The following TM2D1 variants were observed in gnomAD, a reference collection of about 807,000 sequenced individuals.
TM2D1 encodes TM2 domain-containing protein 1.
TM2D1 carries 15 observed loss-of-function variants against 28.4 expected under a neutral mutation model. The ratio of observed to expected loss-of-function variants is 0.53; its 90% confidence interval spans 0.35 to 0.81. TM2D1 has a LOEUF of 0.81. Among genes scored for constraint, TM2D1 ranks in the 40% least tolerant of loss-of-function variants. The pLI is 0.01. For synonymous variants in TM2D1, 93 were observed against 96.2 expected (o/e 0.97, Z 0.20); for missense variants, 236 against 254.9 (o/e 0.93, Z 0.50).
chr1:61,703,518 T>G (rs1644418309), intron 3 of TM2D1, among the ~76,000 whole-genome samples: 1 of 146,632 alleles, frequency 6.8e-6, no homozygotes, highest in Non-Finnish European at 1.5e-5. Flanking sequence ...GTTCAAGCAA[T>G]TCTCCTGCTT....
chr1:61,705,441 C>T (rs926849195), intron 3 of TM2D1, among the ~76,000 whole-genome samples: 16 of 152,252 alleles, frequency 1.1e-4, no homozygotes, highest in Admixed American at 7.2e-4. Context: ...CCGCCTCAGC[C>T]TCCCAAAGTG....
chr1:61,696,542 C>CA lies in TM2D1; in HGVS notation c.440-1773dup, dbSNP rs10710571. ...CAACAAAGCCGGGGCAACCTTGTCT[C>CA]AAAAAAAAAAAAAAAAGAAAGAAAG... On this transcript the variant is annotated intron_variant, in intron 4 of 6. Coordinates refer to ENST00000606498, the MANE Select transcript of TM2D1 (RefSeq NM_032027.3). 4.3e-3 allele frequency among the ~76,000 whole-genome samples: 528 copies of CA among 121,606 alleles called. 2 individuals are homozygous for CA. The highest frequency in any genetic ancestry group is 0.015 in the African/African-American group (482 of 32,830). The allele number at this position is 121,606 out of a possible 152,430, so 79.8% of individuals were successfully genotyped here.
chr1:61,702,082 C>T (rs1316792725), intron 3 of TM2D1, among the ~76,000 whole-genome samples: 3 of 151,700 alleles, frequency 2.0e-5, no homozygotes, highest in African/African-American at 4.8e-5. Context: ...CCCAGCTACT[C>T]GGGAGGCTGA....
At chr1:61,690,466 A>G (rs1183843810) in intron 5 of TM2D1, among the ~76,000 whole-genome samples, 1 of 150,868 alleles carries the variant, frequency 6.6e-6, no homozygotes, top group East Asian at 1.9e-4. Flanking sequence ...CAAAAAAAAA[A>G]AAAAAAAAAA....
At chr1:61,703,227 T>C (rs1394917855) in intron 3 of TM2D1, among the ~76,000 whole-genome samples, 2 of 148,826 alleles carry the variant, frequency 1.3e-5, no homozygotes, top group Non-Finnish European at 1.5e-5. Flanking sequence ...AATATTACCA[T>C]ATTTATATAT....
At chr1:61,718,396 A>G (rs1015415464) in intron 2 of TM2D1, among the ~76,000 whole-genome samples, 2 of 152,210 alleles carry the variant, frequency 1.3e-5, no homozygotes, top group African/African-American at 4.8e-5. Flanking sequence ...TTTGGAAAAT[A>G]ATCATTTTGC....
chr1:61,683,215 C>T (rs1003424489), intron 6 of TM2D1: 1 of 244,556 alleles, frequency 4.1e-6, no homozygotes, highest in African/African-American at 2.2e-5. Context: ...ACCATATGCA[C>T]TGCAAAGAGT....
intron 3 of TM2D1, 111 bp from the exon 4 acceptor site, chr1:61,701,136 T>C: frequency 1.3e-6 from 1 of 749,222 alleles, no homozygotes. Flanking sequence ...GTTAATGTTT[T>C]TTAGATGCCT....
intron 4 of TM2D1, among the ~76,000 whole-genome samples, chr1:61,695,536 C>T (rs1323333720): frequency 6.6e-6 from 1 of 152,170 alleles, no homozygotes; most frequent in African/African-American, 2.4e-5. Flanking sequence ...TCTTACAAGA[C>T]ATCTCATATG....
chr1:61,685,020 G>C (rs1644273407), intron 5 of TM2D1, among the ~76,000 whole-genome samples: 1 of 152,172 alleles, frequency 6.6e-6, no homozygotes, highest in Non-Finnish European at 1.5e-5. Context: ...CTAGTACTAG[G>C]ATGATGGTTA....
At chr1:61,692,024 C>CATAT (rs767181154) in intron 5 of TM2D1, among the ~76,000 whole-genome samples, 5 of 132,506 alleles carry the variant, frequency 3.8e-5, no homozygotes, top group Non-Finnish European at 6.5e-5. Context: ...TATGAATAAC[C>CATAT]ATATATATAT....
chr1:61,691,904 C>G (rs964184940), intron 5 of TM2D1, among the ~76,000 whole-genome samples: 1 of 92,744 alleles, frequency 1.1e-5, no homozygotes, highest in African/African-American at 3.5e-5. Flanking sequence ...GACGAAAACT[C>G]CATCTCAAAA....
chr1:61,707,154 C>G (rs1016145835), intron 3 of TM2D1, among the ~76,000 whole-genome samples: 1 of 152,014 alleles, frequency 6.6e-6, no homozygotes, highest in Non-Finnish European at 1.5e-5. Context: ...ACTTGGGAGG[C>G]TGAGATGAGA....
At chr1:61,700,258 G>T in intron 4 of TM2D1, 1 of 1,504,710 alleles carries the variant, frequency 6.6e-7, no homozygotes, top group Non-Finnish European at 8.8e-7. Context: ...TAACCTCTCT[G>T]GTGACAGTTT....
At chr1:61,692,528 A>G (rs1228952428) in intron 5 of TM2D1, among the ~76,000 whole-genome samples, 7 of 152,050 alleles carry the variant, frequency 4.6e-5, no homozygotes, top group African/African-American at 1.7e-4. Flanking sequence ...AGAAGGAAAG[A>G]AAGAGAAAGA....
chr1:61,709,422 G>A lies in TM2D1; in HGVS notation c.254C>T (p.Ala85Val), dbSNP rs1355844479. 1 of 1,606,920 alleles carries A rather than the reference G, an allele frequency of 6.2e-7. No individual in the cohort carries two copies. Among genetic ancestry groups the A allele is most frequent in the Non-Finnish European group, 8.5e-7 (1 of 1,175,432 alleles). ...GGAATCCTTACAAGTTATGTTGGGT[G>A]CTGGAAAACAGGAAACTGAAGGCAG... is the stretch of plus-strand genomic sequence containing the variant. ...NYTAHVSCFP[A>V]PNITCKDSSG... The change falls in exon 3 of 7, where the codon GCA becomes GTA. Residue 85 changes from alanine to valine, a missense_variant. Physicochemically the swap from Ala to Val is moderately conservative, Grantham distance 64. This residue lies in a region of TM2D1 where 167 missense variants were observed against 162.7 expected (regional missense o/e 1.03). Transcript: ENST00000606498.
In TM2D1 at chr1:61,700,048, G is replaced by A. The variant is rs536120438; in HGVS notation, c.439+886C>T. On this transcript the variant is annotated intron_variant, in intron 4 of 6. Coordinates refer to ENST00000606498, the MANE Select transcript of TM2D1 (RefSeq NM_032027.3). ...AAACTTTAAATTTGCTCAGTGAAGG[G>A]CTAATATAGAAGCAGAGTACTACAG... 25 of 1,302,978 alleles carry A rather than the reference G, an allele frequency of 1.9e-5. No homozygotes were observed. In the Admixed American group the frequency reaches 4.4e-4, roughly 23 times the overall value. The allele number at this position is 1,302,978 out of a possible 1,614,324, so 80.7% of individuals were successfully genotyped here.
intron 4 of TM2D1, chr1:61,700,312 G>A: frequency 7.0e-7 from 1 of 1,432,684 alleles, no homozygotes; most frequent in Non-Finnish European, 9.1e-7. Flanking sequence ...TAAACTCAGA[G>A]GGTTGTAAGT....
chr1:61,722,635 C>T (rs1055169376), intron 2 of TM2D1, among the ~76,000 whole-genome samples: 3 of 152,026 alleles, frequency 2.0e-5, no homozygotes, highest in African/African-American at 7.2e-5. Flanking sequence ...CCAAAGTGCT[C>T]GGATTACAGG....
Sources: gnomAD v4.1 joint callset for allele counts (sites outside exome capture counted in the v4.1 genomes callset) on GRCh38, gnomAD v4.1.1 for gene constraint, gnomAD v4.1.1 regional missense constraint, MANE v1.5 for transcripts, NCBI Gene and HGNC (gene_info 2026-07-23, HGNC 2026-07-21) for gene names.